Variants in CSMD2 observed in about 807,000 individuals in gnomAD.
The protein encoded by CSMD2 is CUB and Sushi multiple domains 2.
Under a neutral mutation model 398.5 loss-of-function variants are expected in CSMD2, and 130 were observed. The ratio of observed to expected loss-of-function variants is 0.33; its 90% CI spans 0.28 to 0.38. CSMD2 has a LOEUF of 0.38. CSMD2 is among the 10% of genes least tolerant of loss of function. The probability of loss-of-function intolerance (pLI) is 1.00; values close to 1 mark genes in which losing one functional copy is unlikely to be tolerated. For synonymous variants in CSMD2, 1,828 were observed against 1,908.5 expected, an observed-to-expected ratio of 0.96 and a Z score of 1.10; for missense variants, 3,829 against 4,764.9, an observed-to-expected ratio of 0.80 and a Z score of 5.78.
chr1:33,784,692 ACCTGGAGGCAGATCCAGGTGCCTGG>A (rs1325145997), intron 12 of CSMD2, among the ~76,000 whole-genome samples: 1 of 152,146 alleles, frequency 6.6e-6, no homozygotes, highest in African/African-American at 2.4e-5. Context: ...CTATCAGAGC[ACCTGGAGGCAGATCCAGGTGCCTGG>A]CCTGGAGGAC....
chr1:33,596,912 A>G (rs1639877540), intron 44 of CSMD2, among the ~76,000 whole-genome samples: 2 of 152,154 alleles, frequency 1.3e-5, no homozygotes, highest in Admixed American at 1.3e-4. Flanking sequence ...CTTTCGTTTT[A>G]TTTATCTCTT....
intron 2 of CSMD2, among the ~76,000 whole-genome samples, chr1:34,045,291 G>T (rs760320133): frequency 6.6e-6 from 1 of 152,130 alleles, no homozygotes; most frequent in Non-Finnish European, 1.5e-5. Flanking sequence ...AGCTGAGGCT[G>T]TAGCTACATT....
chr1:33,725,710 A>C (rs1363688600), intron 16 of CSMD2, among the ~76,000 whole-genome samples, 174 bp from the exon 17 acceptor site: 1 of 152,098 alleles, frequency 6.6e-6, no homozygotes, highest in Non-Finnish European at 1.5e-5. Flanking sequence ...TCTCCACTCT[A>C]TTTAACATCC....
At chr1:33,740,695 C>T (rs919967413) in intron 14 of CSMD2, among the ~76,000 whole-genome samples, 5 of 152,172 alleles carry the variant, frequency 3.3e-5, no homozygotes, top group Non-Finnish European at 7.3e-5. Flanking sequence ...GTCACCCTGA[C>T]ATTTAGAAAT....
chr1:34,144,237 A>C (rs1403518426), intron 1 of CSMD2, among the ~76,000 whole-genome samples: 1 of 152,156 alleles, frequency 6.6e-6, no homozygotes, highest in African/African-American at 2.4e-5. Context: ...AGGCGGTGCC[A>C]ACCAGCTCAG....
intron 1 of CSMD2, among the ~76,000 whole-genome samples, chr1:34,146,114 C>G (rs1639740952): frequency 6.6e-6 from 1 of 152,126 alleles, no homozygotes; most frequent in African/African-American, 2.4e-5. Context: ...AGTGCGATGG[C>G]ATGATCACTC....
rs570811932 is a variant in CSMD2 at position 33,938,493 on chromosome 1, C to T, written c.518-2539G>A. Among the ~76,000 whole-genome samples, 11 of 150,566 alleles carry T rather than the reference C, an allele frequency of 7.3e-5. No homozygotes were observed. In the East Asian group the frequency reaches 1.8e-3, roughly 24 times the overall value. ...GCTTATTTGGCATTTCCCATGATCC[C>T]CTGCTGCTGGTTTACTTGGCATTCC... is the stretch of plus-strand genomic sequence containing the variant. On this transcript the variant is annotated intron_variant, in intron 3 of 70. Transcript: ENST00000373381.
intron 13 of CSMD2, among the ~76,000 whole-genome samples, chr1:33,770,524 T>A (rs1338955290): frequency 1.3e-5 from 2 of 152,220 alleles, no homozygotes; most frequent in Non-Finnish European, 2.9e-5. Context: ...TGCAAAGGCA[T>A]GGGGCCGGTT....
intron 2 of CSMD2, among the ~76,000 whole-genome samples, chr1:34,064,261 T>G (rs1028996922): frequency 6.6e-6 from 1 of 152,236 alleles, no homozygotes; most frequent in Non-Finnish European, 1.5e-5. Flanking sequence ...AATGGGTTTT[T>G]CTTTTCTACT....
intron 56 of CSMD2, among the ~76,000 whole-genome samples, chr1:33,548,147 C>T (rs961556301): frequency 1.3e-5 from 2 of 152,156 alleles, no homozygotes; most frequent in African/African-American, 2.4e-5. Flanking sequence ...GCCTGTACAG[C>T]CTGCAGAACT....
intron 25 of CSMD2, among the ~76,000 whole-genome samples, chr1:33,667,706 G>A (rs1026506711): frequency 6.6e-6 from 1 of 152,212 alleles, no homozygotes; most frequent in African/African-American, 2.4e-5. Flanking sequence ...AACAGACAAA[G>A]TCAAAGGCTT....
intron 1 of CSMD2, among the ~76,000 whole-genome samples, chr1:34,151,832 CCTTT>C (rs1175246518): frequency 1.0e-4 from 11 of 107,664 alleles, no homozygotes; most frequent in Non-Finnish European, 1.7e-4. Context: ...CTTCTCTCTT[CCTTT>C]CTTTCAGTCA....
intron 55 of CSMD2, among the ~76,000 whole-genome samples, chr1:33,551,296 T>C (rs982731972): frequency 3.3e-5 from 5 of 151,990 alleles, no homozygotes; most frequent in African/African-American, 7.3e-5. Flanking sequence ...GGCATGAAAA[T>C]TGGATTTTAT....
chr1:33,588,839 A>G (rs1018825489), intron 44 of CSMD2, among the ~76,000 whole-genome samples: 2 of 152,172 alleles, frequency 1.3e-5, no homozygotes, highest in Non-Finnish European at 2.9e-5. Flanking sequence ...TAGGTGGTAG[A>G]GTACAGTTTA....
chr1:34,126,484 T>TG (rs1437129123), intron 1 of CSMD2, among the ~76,000 whole-genome samples: 1 of 152,168 alleles, frequency 6.6e-6, no homozygotes, highest in South Asian at 2.1e-4. Context: ...AAGCATTTCA[T>TG]GGGGGGCCCA....
In CSMD2 at chr1:33,605,816, G is replaced by A. The variant is rs141184134; in HGVS notation, c.6344-346C>T. On this transcript the variant is annotated intron_variant, in intron 41 of 70. Transcript: ENST00000373381. The stretch of plus-strand genomic sequence containing the variant: ...CCTCTATTCACTGAGTGCCACTGGG[G>A]GCCAGGCACCAGCCTAACTCCTTTC... 1,013 of 1,495,686 alleles carry A rather than the reference G, an allele frequency of 6.8e-4. 10 individuals carry two copies. In the African/African-American group the frequency reaches 0.011, roughly 17 times the overall value. The allele number at this position is 1,495,686 out of a possible 1,614,324, so 92.7% of individuals were successfully genotyped here.
At chr1:33,625,897 T>C (rs1642094669) in intron 33 of CSMD2, among the ~76,000 whole-genome samples, 1 of 152,172 alleles carries the variant, frequency 6.6e-6, no homozygotes. Context: ...CCAAACTACC[T>C]TTCTGGGCCA....
At position 33,535,289 on chromosome 1, in the gene CSMD2, C is replaced by T. The variant is rs141606111; in HGVS notation, c.9880-1382G>A. On this transcript the variant is annotated intron_variant, in intron 62 of 70. Transcript: ENST00000373381. Reference sequence around the variant, plus strand: ...TCTTTCCCTGCTGTGTTCCTCAACACCCCTCCGTAGTAATGGCTGTCTTGA... The same window carrying T: ...TCTTTCCCTGCTGTGTTCCTCAACATCCCTCCGTAGTAATGGCTGTCTTGA... Among the ~76,000 whole-genome samples the T allele has an allele frequency of 2.1e-3, 326 of 152,318 alleles. 2 individuals are homozygous for T. In the Middle Eastern group the frequency reaches 0.065, roughly 30 times the overall value.
At chr1:34,100,281 A>G (rs1211147728) in intron 1 of CSMD2, among the ~76,000 whole-genome samples, 4 of 152,094 alleles carry the variant, frequency 2.6e-5, no homozygotes, top group African/African-American at 9.7e-5. Context: ...TCCCCACCCA[A>G]TCCAAAATTA....
Sources: allele counts gnomAD v4.1 joint callset (sites outside exome capture counted in the v4.1 genomes callset), GRCh38; gene constraint gnomAD v4.1.1; transcripts MANE v1.5; gene names NCBI Gene and HGNC (gene_info 2026-07-23, HGNC 2026-07-21).